Variants in IPCEF1 observed in about 807,000 individuals in gnomAD.
IPCEF1 encodes interactor protein for cytohesin exchange factors 1.
IPCEF1 carries 31 observed loss-of-function variants against 50.9 expected under a neutral mutation model. The observed-to-expected ratio is 0.61, with a 90% CI of 0.46 to 0.82. The LOEUF (loss-of-function observed/expected upper bound fraction) is 0.82, where lower values mean the gene tolerates loss of function less well. Among genes scored for constraint, IPCEF1 ranks in the 40% least tolerant of loss-of-function variants. IPCEF1 has a pLI of 0.00. For missense variants in IPCEF1, 458 were observed against 514.0 expected (o/e 0.89, Z 1.05); for synonymous variants, 181 against 192.0 (o/e 0.94, Z 0.47).
intron 1 of IPCEF1, among the ~76,000 whole-genome samples, chr6:154,298,503 C>T (rs564427428): frequency 1.3e-5 from 2 of 152,274 alleles, no homozygotes; most frequent in African/African-American, 4.8e-5. Context: ...ATCAAGAGGG[C>T]ATTGTTATTT....
chr6:154,160,734 A>G (rs965600645), intron 11 of IPCEF1, among the ~76,000 whole-genome samples: 1 of 152,194 alleles, frequency 6.6e-6, no homozygotes, highest in Non-Finnish European at 1.5e-5. Flanking sequence ...TAAGATGTTC[A>G]TCCTCCATAT....
chr6:154,230,394 A>G (rs1779627094), intron 5 of IPCEF1, among the ~76,000 whole-genome samples: 1 of 152,206 alleles, frequency 6.6e-6, no homozygotes, highest in Admixed American at 6.5e-5. Context: ...TAAAAAAATT[A>G]AGTCTTTTAG....
At chr6:154,200,123 G>A (rs933507569) in intron 9 of IPCEF1, 83 bp from the exon 10 acceptor site, 10 of 1,263,208 alleles carry the variant, frequency 7.9e-6, no homozygotes, top group African/African-American at 3.0e-5. Context: ...TTTCAATCAC[G>A]GTGTCCCCGT....
rs945093954 is a variant in IPCEF1, at chr6:154,238,930, T to TA, written c.246+7660dup. Reference sequence around the variant, plus strand: ...TTGGATTCTATATTGTTGTTTTTTTTAAAAAAAAAAAGAAGTTGTGGAAAC... The same window carrying TA: ...TTGGATTCTATATTGTTGTTTTTTTTAAAAAAAAAAAAGAAGTTGTGGAAAC... On this transcript the variant is annotated intron_variant, in intron 5 of 11. Coordinates refer to ENST00000367220, the MANE Select transcript of IPCEF1 (RefSeq NM_001130700.2). Among the ~76,000 whole-genome samples, 465 of 147,418 alleles carry TA rather than the reference T, an allele frequency of 3.2e-3. 2 individuals carry two copies. The highest frequency in any genetic ancestry group is 0.011 in the African/African-American group (437 of 40,412).
chr6:154,178,848 C>T (rs188517579), intron 10 of IPCEF1, among the ~76,000 whole-genome samples: 1 of 152,196 alleles, frequency 6.6e-6, no homozygotes, highest in South Asian at 2.1e-4. Flanking sequence ...CAGAGAAAGC[C>T]TGGAACTGAA....
At chr6:154,193,337 A>G (rs758612604) in intron 10 of IPCEF1, among the ~76,000 whole-genome samples, 13 of 152,198 alleles carry the variant, frequency 8.5e-5, no homozygotes, top group Admixed American at 3.3e-4. Context: ...AAGGCACGAT[A>G]AAATAGACTT....
chr6:154,341,017 G>A (rs1222515408), intron 1 of IPCEF1, among the ~76,000 whole-genome samples: 1 of 151,930 alleles, frequency 6.6e-6, no homozygotes, highest in Non-Finnish European at 1.5e-5. Flanking sequence ...GGTCCAAAAG[G>A]CAGAACAACT....
chr6:154,272,427 G>A (rs1230453561), intron 2 of IPCEF1, among the ~76,000 whole-genome samples: 1 of 152,180 alleles, frequency 6.6e-6, no homozygotes, highest in Non-Finnish European at 1.5e-5. Flanking sequence ...CAGAGTTTAA[G>A]GGAATAGTTA....
intron 5 of IPCEF1, among the ~76,000 whole-genome samples, chr6:154,243,556 C>T (rs543842517): frequency 6.6e-6 from 1 of 152,132 alleles, no homozygotes; most frequent in African/African-American, 2.4e-5. Flanking sequence ...CAGGCAATGA[C>T]GGAGAGAGAA....
intron 5 of IPCEF1, among the ~76,000 whole-genome samples, chr6:154,230,041 G>A (rs955886114): frequency 1.3e-5 from 2 of 152,168 alleles, no homozygotes; most frequent in Non-Finnish European, 2.9e-5. Flanking sequence ...AAAGCAGGAC[G>A]GTGGTTGCCT....
intron 1 of IPCEF1, among the ~76,000 whole-genome samples, chr6:154,303,326 G>A (rs910706331): frequency 3.9e-5 from 6 of 152,000 alleles, no homozygotes; most frequent in Non-Finnish European, 8.8e-5. Flanking sequence ...TCCTGACCTT[G>A]TGATCCGCCC....
chr6:154,334,217 C>G (rs1029977843), intron 1 of IPCEF1, among the ~76,000 whole-genome samples: 10 of 152,088 alleles, frequency 6.6e-5, no homozygotes, highest in Non-Finnish European at 1.5e-4. Context: ...ATTTAAAGAC[C>G]TTCTCTTTTC....
intron 1 of IPCEF1, among the ~76,000 whole-genome samples, chr6:154,295,009 T>C (rs1583957600): frequency 6.6e-6 from 1 of 152,162 alleles, no homozygotes. Context: ...CCAGCCTGGC[T>C]AACACGGTGA....
rs71021036 is a variant in IPCEF1, at chr6:154,273,724, C to CTTTTTTTT, written c.-17-7768_-17-7761dup. Among the ~76,000 whole-genome samples the CTTTTTTTT allele has an allele frequency of 2.7e-4, 17 of 63,320 alleles. 1 individual carries two copies. Among genetic ancestry groups the CTTTTTTTT allele is most frequent in the African/African-American group, 4.5e-4 (8 of 17,844 alleles). The allele number at this position is 63,320 out of a possible 152,430, so 41.5% of individuals were successfully genotyped here. A position where few individuals can be genotyped will look rare whatever the true frequency, so the allele number is the denominator to read the frequency against. ...TCTTTTTTTCTTTCTTTCTTTCTTT[C>CTTTTTTTT]TTTTTTTTTTTTTTTTTTTTTTTTT... On this transcript the variant is annotated intron_variant, in intron 2 of 11. Transcript: ENST00000367220.
At chr6:154,282,484 C>T (rs538381680) in intron 2 of IPCEF1, among the ~76,000 whole-genome samples, 1 of 152,184 alleles carries the variant, frequency 6.6e-6, no homozygotes, top group East Asian at 1.9e-4. Context: ...AGATCGAGAC[C>T]ATCCTGGCTA....
At chr6:154,330,994 G>A (rs1783645847) in intron 1 of IPCEF1, among the ~76,000 whole-genome samples, 1 of 152,152 alleles carries the variant, frequency 6.6e-6, no homozygotes, top group Non-Finnish European at 1.5e-5. Context: ...TGATAGTCAG[G>A]CAGTTGTTAG....
At chr6:154,191,609 G>C (rs1801892121) in intron 10 of IPCEF1, among the ~76,000 whole-genome samples, 1 of 152,036 alleles carries the variant, frequency 6.6e-6, no homozygotes, top group African/African-American at 2.4e-5. Flanking sequence ...AGGAGGTGGA[G>C]GTTGCAGTGA....
At chr6:154,288,676 CAAAA>C (rs558703057) in intron 2 of IPCEF1, among the ~76,000 whole-genome samples, 1,764 of 46,890 alleles carry the variant, frequency 0.038, 8 homozygotes, top group Middle Eastern at 0.094. Flanking sequence ...ACAAAAAAAA[CAAAA>C]AAAAAAAAAA....
chr6:154,256,849 T>G (rs1280888364), intron 3 of IPCEF1, among the ~76,000 whole-genome samples: 1 of 152,196 alleles, frequency 6.6e-6, no homozygotes, highest in Non-Finnish European at 1.5e-5. Flanking sequence ...AATTTTGATA[T>G]TTTCCTGGGC....
Sources: allele counts gnomAD v4.1 joint callset (sites outside exome capture counted in the v4.1 genomes callset), GRCh38; gene constraint gnomAD v4.1.1; transcripts MANE v1.5; gene names NCBI Gene and HGNC (gene_info 2026-07-23, HGNC 2026-07-21).